Variants in RNF150 observed in about 807,000 individuals in gnomAD.
RNF150 encodes the protein ring finger protein 150.
RNF150 carries 24 observed loss-of-function variants against 39.3 expected under a neutral mutation model. The ratio of observed to expected loss-of-function variants is 0.61; its 90% confidence interval spans 0.44 to 0.86. The LOEUF is 0.86. Among genes scored for constraint, RNF150 ranks in the 40% least tolerant of loss-of-function variants. The pLI is 0.00. For missense variants in RNF150, 502 were observed against 587.8 expected, an observed-to-expected ratio of 0.85 and a Z score of 1.51; for synonymous variants, 255 against 227.3, an observed-to-expected ratio of 1.12 and a Z score of -1.10.
chr4:140,982,734 A>G (rs1378772078), intron 1 of RNF150, among the ~76,000 whole-genome samples: 1 of 152,082 alleles, frequency 6.6e-6, no homozygotes, highest in Non-Finnish European at 1.5e-5. Context: ...AAGACCTTGA[A>G]GCACTCCTTG....
chr4:141,008,556 T>A (rs951459897), intron 1 of RNF150, among the ~76,000 whole-genome samples: 1 of 152,248 alleles, frequency 6.6e-6, no homozygotes, highest in African/African-American at 2.4e-5. Flanking sequence ...CTTTCACATT[T>A]AGATTTTATA....
At chr4:141,084,452 A>G (rs1738274541) in intron 1 of RNF150, among the ~76,000 whole-genome samples, 1 of 152,258 alleles carries the variant, frequency 6.6e-6, no homozygotes, top group African/African-American at 2.4e-5. Flanking sequence ...TATTTCAAAA[A>G]TAATGTCAAT....
chr4:141,042,160 C>T (rs1028170093), intron 1 of RNF150, among the ~76,000 whole-genome samples: 3 of 151,982 alleles, frequency 2.0e-5, no homozygotes, highest in Non-Finnish European at 4.4e-5. Context: ...GGAAAAAAAT[C>T]AATAAACCGA....
chr4:140,992,585 G>C (rs1164759665), intron 1 of RNF150, among the ~76,000 whole-genome samples: 1 of 152,148 alleles, frequency 6.6e-6, no homozygotes, highest in Admixed American at 6.5e-5. Flanking sequence ...AAAAGCAGCA[G>C]AGGCAGTGTC....
chr4:140,939,708 T>C (rs745515479), intron 4 of RNF150, among the ~76,000 whole-genome samples: 1 of 151,758 alleles, frequency 6.6e-6, no homozygotes, highest in Non-Finnish European at 1.5e-5. Context: ...TTTTTTGTGT[T>C]ACGGCTTTTG....
chr4:140,872,058 A>G (rs1728968748), intron 6 of RNF150, among the ~76,000 whole-genome samples: 5 of 152,216 alleles, frequency 3.3e-5, no homozygotes, highest in Admixed American at 3.3e-4. Flanking sequence ...TATTCTAAGT[A>G]TGTTCTATGT....
intron 2 of RNF150, among the ~76,000 whole-genome samples, chr4:140,949,958 G>A (rs1732480976): frequency 6.6e-6 from 1 of 152,100 alleles, no homozygotes; most frequent in South Asian, 2.1e-4. Flanking sequence ...AAAACATAAT[G>A]TTCAGTTTAG....
intron 1 of RNF150, among the ~76,000 whole-genome samples, chr4:141,162,487 A>C (rs1468963849): frequency 1.3e-5 from 2 of 152,066 alleles, no homozygotes; most frequent in African/African-American, 4.8e-5. Context: ...TGCTGGAATG[A>C]ATTAAGCATT....
At chr4:141,188,199 T>A (rs1453917784) in intron 1 of RNF150, among the ~76,000 whole-genome samples, 1 of 152,228 alleles carries the variant, frequency 6.6e-6, no homozygotes, top group Non-Finnish European at 1.5e-5. Context: ...GCTTGCAGGG[T>A]TTCTCCAGAG....
chr4:141,141,547 A>G (rs140413242), intron 1 of RNF150, among the ~76,000 whole-genome samples: 14 of 152,336 alleles, frequency 9.2e-5, no homozygotes, highest in Non-Finnish European at 1.8e-4. Context: ...CATGCCTGTA[A>G]TTCCAGCACT....
chr4:141,066,245 A>C (rs1407491241), intron 1 of RNF150, among the ~76,000 whole-genome samples: 2 of 152,116 alleles, frequency 1.3e-5, no homozygotes, highest in Non-Finnish European at 1.5e-5. Context: ...ATGTGCGAAA[A>C]AAAAAAAACC....
Position 141,076,098 on chromosome 4 carries a change from C to A in RNF150, c.484+56227G>T, listed in dbSNP as rs1009769307. Among the ~76,000 whole-genome samples, 9 of 151,936 alleles carry A rather than the reference C, an allele frequency of 5.9e-5. No individual in the cohort carries two copies. The South Asian group carries it at 6.2e-4, about 10-fold the overall frequency. ...ACATTACATATCTTTTATAACACTG[C>A]AAACAGGAACAACTCTAAAGATTTC... On this transcript the variant is annotated intron_variant, in intron 1 of 6. Coordinates refer to ENST00000515673, the MANE Select transcript of RNF150 (RefSeq NM_020724.2).
intron 1 of RNF150, among the ~76,000 whole-genome samples, chr4:141,198,787 T>A (rs191757383): frequency 3.9e-5 from 6 of 152,290 alleles, no homozygotes; most frequent in Non-Finnish European, 4.4e-5. Flanking sequence ...TCAAAATAAA[T>A]CTTATCAGAT....
chr4:141,078,287 T>A (rs1358221296), intron 1 of RNF150, among the ~76,000 whole-genome samples: 1 of 152,126 alleles, frequency 6.6e-6, no homozygotes, highest in African/African-American at 2.4e-5. Flanking sequence ...TAAAAGCAAC[T>A]GCAATCCTTT....
At chr4:141,142,488 C>A (rs1467455042) in intron 1 of RNF150, among the ~76,000 whole-genome samples, 1 of 152,184 alleles carries the variant, frequency 6.6e-6, no homozygotes, top group Admixed American at 6.5e-5. Flanking sequence ...CAACTTCATT[C>A]CTCCTCCCTT....
At chr4:141,117,201 C>T (rs1739577124) in intron 1 of RNF150, among the ~76,000 whole-genome samples, 1 of 152,086 alleles carries the variant, frequency 6.6e-6, no homozygotes, top group Non-Finnish European at 1.5e-5. Context: ...CAAGGCTTGA[C>T]TTGTGGAATA....
At chr4:141,014,475 C>A (rs949102083) in intron 1 of RNF150, among the ~76,000 whole-genome samples, 1 of 152,198 alleles carries the variant, frequency 6.6e-6, no homozygotes, top group South Asian at 2.1e-4. Context: ...TATAAAAGTT[C>A]TTTTTCTCCA....
At chr4:140,978,990 G>A (rs952707573) in intron 1 of RNF150, among the ~76,000 whole-genome samples, 1 of 151,870 alleles carries the variant, frequency 6.6e-6, no homozygotes, top group Non-Finnish European at 1.5e-5. Flanking sequence ...AATTTTTGCT[G>A]GACAAAAAAC....
intron 1 of RNF150, among the ~76,000 whole-genome samples, chr4:141,104,917 C>G (rs1739147199): frequency 1.3e-5 from 2 of 152,198 alleles, no homozygotes; most frequent in Non-Finnish European, 2.9e-5. Flanking sequence ...CTCTTGTGCA[C>G]ACACACATCC....
Sources: allele counts gnomAD v4.1 joint callset (sites outside exome capture counted in the v4.1 genomes callset), GRCh38; gene constraint gnomAD v4.1.1; transcripts MANE v1.5; gene names NCBI Gene and HGNC (gene_info 2026-07-23, HGNC 2026-07-21).